The following METTL8 variants were observed in gnomAD, a reference collection of about 807,000 sequenced individuals.
METTL8 encodes the protein methyltransferase 8, tRNA N3-cytidine.
METTL8 carries 32 observed loss-of-function variants against 48.7 expected under a neutral mutation model. The observed-to-expected ratio is 0.66, with a 90% CI of 0.50 to 0.88. The LOEUF is 0.88. Among genes scored for constraint, METTL8 ranks in the 40% least tolerant of loss-of-function variants. The pLI, the probability that METTL8 is intolerant of heterozygous loss-of-function variation, is 0.00. For synonymous variants in METTL8, 136 were observed against 157.1 expected, an observed-to-expected ratio of 0.87 and a Z score of 1.01; for missense variants, 464 against 474.4, an observed-to-expected ratio of 0.98 and a Z score of 0.20.
chr2:171,350,495 G>T (rs553522477), intron 3 of METTL8, among the ~76,000 whole-genome samples: 2 of 152,166 alleles, frequency 1.3e-5, no homozygotes. Context: ...GGATGACTGG[G>T]TCAAATGATA....
chr2:171,381,142 A>G (rs1687490829), intron 2 of METTL8, among the ~76,000 whole-genome samples: 1 of 152,230 alleles, frequency 6.6e-6, no homozygotes, highest in African/African-American at 2.4e-5. Flanking sequence ...AAACCTGACA[A>G]AAACCAGCAA....
chr2:171,410,730 AGTT>A (rs1303541614), intron 1 of METTL8, among the ~76,000 whole-genome samples: 2 of 152,246 alleles, frequency 1.3e-5, no homozygotes, highest in East Asian at 3.8e-4. Context: ...TTTCAGAGTA[AGTT>A]GTTGTTCTTG....
At chr2:171,375,369 C>G in intron 2 of METTL8, 1 of 632,240 alleles carries the variant, frequency 1.6e-6, no homozygotes, top group Non-Finnish European at 2.8e-6. Context: ...ACAACCTAAA[C>G]AAACAAATAA....
At chr2:171,408,088 T>C (rs931198084) in intron 1 of METTL8, among the ~76,000 whole-genome samples, 4 of 152,250 alleles carry the variant, frequency 2.6e-5, no homozygotes, top group Non-Finnish European at 4.4e-5. Flanking sequence ...TTTGTGGTTG[T>C]ACTTGTACTT....
chr2:171,320,777 C>T lies in METTL8; in HGVS notation c.*3395G>A, dbSNP rs1285311582. 1 of 152,210 alleles carries T rather than the reference C, an allele frequency of 6.6e-6. No individual in the cohort carries two copies. Among genetic ancestry groups the T allele is most frequent in the Non-Finnish European group, 1.5e-5 (1 of 68,026 alleles). The allele number at this position is 152,210 out of a possible 1,614,324, so 9.4% of individuals were successfully genotyped here. A position where few individuals can be genotyped will look rare whatever the true frequency, so the allele number is the denominator to read the frequency against. ...AATTGTACTTTTGAGGACTTGCCAT[C>T]AAGGCAAGTTTGTGCAAAAACCTTT... On this transcript the variant is annotated 3_prime_UTR_variant, in exon 10 of 10. Transcript: ENST00000375258.
intron 1 of METTL8, among the ~76,000 whole-genome samples, chr2:171,421,783 AC>A (rs1450086990): frequency 1.3e-5 from 2 of 152,208 alleles, no homozygotes; most frequent in African/African-American, 2.4e-5. Flanking sequence ...CACAGGGTCA[AC>A]TGAAAGACTT....
intron 7 of METTL8, among the ~76,000 whole-genome samples, chr2:171,329,307 C>T (rs748976258): frequency 2.0e-5 from 3 of 152,208 alleles, no homozygotes; most frequent in Non-Finnish European, 2.9e-5. Flanking sequence ...TTCTCTATAA[C>T]ATTCAATTCA....
At chr2:171,337,683 T>G (rs530516661) in intron 4 of METTL8, among the ~76,000 whole-genome samples, 181 bp from the exon 5 acceptor site, 1 of 151,902 alleles carries the variant, frequency 6.6e-6, no homozygotes, top group Non-Finnish European at 1.5e-5. Flanking sequence ...AATCTGACTA[T>G]GGAAACATTT....
intron 2 of METTL8, among the ~76,000 whole-genome samples, chr2:171,377,327 T>C (rs549159982): frequency 3.1e-4 from 47 of 151,218 alleles, no homozygotes; most frequent in Non-Finnish European, 4.7e-4. Flanking sequence ...CAAAACAAAA[T>C]AAAACAAAAA....
Position 171,374,047 on chromosome 2 carries a change from T to C in METTL8, c.144-13534A>G, listed in dbSNP as rs376258185. Among the ~76,000 whole-genome samples, 20 of 152,314 alleles carry C rather than the reference T, an allele frequency of 1.3e-4. No homozygotes were observed. The East Asian group carries it at 2.9e-3, about 22-fold the overall frequency. On this transcript the variant is annotated intron_variant, in intron 2 of 9. Transcript: ENST00000375258. ...CATTGGCAGCTTGATGGGGATGGCATTGAATCTATAAATTACCTTGAGCAG... is the reference window on the plus strand; with the variant it reads ...CATTGGCAGCTTGATGGGGATGGCACTGAATCTATAAATTACCTTGAGCAG...
intron 1 of METTL8, among the ~76,000 whole-genome samples, chr2:171,418,029 C>T (rs1031669283): frequency 6.6e-6 from 1 of 152,086 alleles, no homozygotes; most frequent in African/African-American, 2.4e-5. Context: ...CTGCAAGCTC[C>T]GCCTCCTGGG....
intron 1 of METTL8, among the ~76,000 whole-genome samples, chr2:171,431,773 G>A (rs567038755): frequency 1.3e-5 from 2 of 152,354 alleles, no homozygotes; most frequent in Non-Finnish European, 2.9e-5. Context: ...GGGGTAACAG[G>A]ACTGATAGGG....
intron 5 of METTL8, among the ~76,000 whole-genome samples, chr2:171,336,242 C>T (rs1402862951): frequency 6.6e-6 from 1 of 151,740 alleles, no homozygotes; most frequent in Non-Finnish European, 1.5e-5. Context: ...ATTACAGGCG[C>T]CCGCCACCAC....
intron 2 of METTL8, among the ~76,000 whole-genome samples, chr2:171,363,792 T>TATATATATATATATATATA (rs1685404264): frequency 1.0e-5 from 1 of 97,436 alleles, no homozygotes; most frequent in African/African-American, 4.1e-5. Context: ...TCCCCAAATT[T>TATATATATATATATATATA]TATATATATA....
intron 3 of METTL8, among the ~76,000 whole-genome samples, chr2:171,349,523 C>T (rs1476130702): frequency 6.6e-6 from 1 of 152,092 alleles, no homozygotes; most frequent in African/African-American, 2.4e-5. Context: ...AACACGATTC[C>T]ATTTTATGTA....
At chr2:171,404,179 G>A (rs924091032) in intron 1 of METTL8, among the ~76,000 whole-genome samples, 1 of 145,662 alleles carries the variant, frequency 6.9e-6, no homozygotes, top group Non-Finnish European at 1.5e-5. Flanking sequence ...TATACAATAA[G>A]TTATGTGAAT....
chr2:171,399,523 T>C (rs1000411417), intron 1 of METTL8, among the ~76,000 whole-genome samples: 2 of 152,080 alleles, frequency 1.3e-5, no homozygotes, highest in Non-Finnish European at 2.9e-5. Context: ...ATGAGCATAG[T>C]GGCAAAAGCA....
intron 3 of METTL8, among the ~76,000 whole-genome samples, chr2:171,355,193 G>A (rs1053741536): frequency 1.3e-5 from 2 of 152,190 alleles, no homozygotes; most frequent in Non-Finnish European, 2.9e-5. Flanking sequence ...TAACAGTCAG[G>A]ACCCTCAGCT....
intron 1 of METTL8, among the ~76,000 whole-genome samples, chr2:171,420,527 C>A (rs1691765772): frequency 6.6e-6 from 1 of 152,056 alleles, no homozygotes; most frequent in Non-Finnish European, 1.5e-5. Context: ...TATCAACCAC[C>A]CCTAAATGGC....
Sources: gnomAD v4.1 joint callset for allele counts (sites outside exome capture counted in the v4.1 genomes callset) on GRCh38, gnomAD v4.1.1 for gene constraint, MANE v1.5 for transcripts, NCBI Gene and HGNC (gene_info 2026-07-23, HGNC 2026-07-21) for gene names.